DAB1: variants seen among roughly 807,000 people sequenced by gnomAD.
The protein encoded by DAB1 is DAB adaptor protein 1.
Under a neutral mutation model 64.6 loss-of-function variants are expected in DAB1, and 15 were observed. That is an observed-to-expected ratio of 0.23 (90% confidence interval 0.16 to 0.36). The LOEUF (loss-of-function observed/expected upper bound fraction) is 0.36. Ranked by LOEUF, DAB1 falls within the 10% of genes least tolerant of loss-of-function variation. The probability of loss-of-function intolerance (pLI) is 1.00; values close to 1 mark genes in which losing one functional copy is unlikely to be tolerated. For synonymous variants in DAB1, 235 were observed against 251.9 expected (o/e 0.93, Z 0.64); for missense variants, 596 against 706.7 (o/e 0.84, Z 1.78).
intron 7 of DAB1, among the ~76,000 whole-genome samples, chr1:57,617,440 A>T (rs1558545340): frequency 6.6e-6 from 1 of 151,838 alleles, no homozygotes; most frequent in Non-Finnish European, 1.5e-5. Context: ...TTCCACAAGT[A>T]CCCCGTCTCA....
At chr1:58,540,301 C>T (rs2100495537) in intron 1 of DAB1, among the ~76,000 whole-genome samples, 1 of 150,610 alleles carries the variant, frequency 6.6e-6, no homozygotes, top group African/African-American at 2.4e-5. Context: ...AAAATCTAAA[C>T]AGGTATTAGG....
intron 1 of DAB1, chr1:57,876,529 T>G (rs1319630347): frequency 6.6e-6 from 1 of 152,216 alleles, no homozygotes; most frequent in Non-Finnish European, 1.5e-5. Context: ...GACTTCATGT[T>G]GAAGCAGCAG....
chr1:58,186,078 C>T (rs3905539), intron 4 of DAB1, among the ~76,000 whole-genome samples: 28,612 of 152,190 alleles, frequency 0.19, 2,892 homozygotes, highest in East Asian at 0.37. Flanking sequence ...CCATTCAAGA[C>T]TTCTAAACAG....
At chr1:58,236,637 T>G (rs912375688) in intron 4 of DAB1, among the ~76,000 whole-genome samples, 4 of 152,202 alleles carry the variant, frequency 2.6e-5, no homozygotes, top group African/African-American at 9.7e-5. Context: ...TAATTCACTT[T>G]CACATGCATC....
At chr1:57,949,821 G>C (rs1645244990) in intron 5 of DAB1, among the ~76,000 whole-genome samples, 1 of 152,054 alleles carries the variant, frequency 6.6e-6, no homozygotes, top group Non-Finnish European at 1.5e-5. Context: ...CCTCCAAGAG[G>C]AAAGAAAAAA....
intron 7 of DAB1, among the ~76,000 whole-genome samples, chr1:57,558,020 CAACCCAAG>C (rs1416486228): frequency 4.3e-5 from 2 of 46,770 alleles, no homozygotes; most frequent in Non-Finnish European, 1.6e-4. Context: ...GGCTGACCTG[CAACCCAAG>C]TTGCATGCAC....
At chr1:57,374,283 G>A (rs977613067) in intron 1 of DAB1, among the ~76,000 whole-genome samples, 1 of 152,134 alleles carries the variant, frequency 6.6e-6, no homozygotes, top group Non-Finnish European at 1.5e-5. Context: ...ATTTTTGTCA[G>A]AAGGTATTAT....
intron 3 of DAB1, among the ~76,000 whole-genome samples, chr1:58,475,910 T>C (rs923383475): frequency 1.3e-5 from 2 of 152,096 alleles, no homozygotes; most frequent in Non-Finnish European, 2.9e-5. Context: ...GCAAAAGCAA[T>C]AGTTACTTAA....
chr1:58,034,903 C>A (rs940412438), intron 5 of DAB1, among the ~76,000 whole-genome samples: 1 of 152,190 alleles, frequency 6.6e-6, no homozygotes, highest in Non-Finnish European at 1.5e-5. Context: ...TCCTTCCATC[C>A]ATGTATGTGC....
chr1:57,875,959 C>T (rs1012444062), intron 1 of DAB1, among the ~76,000 whole-genome samples: 7 of 152,180 alleles, frequency 4.6e-5, no homozygotes, highest in Non-Finnish European at 7.3e-5. Context: ...ACTCAGCGAT[C>T]GTTGTCACTG....
intron 5 of DAB1, among the ~76,000 whole-genome samples, chr1:57,895,509 A>G (rs978755494): frequency 3.9e-5 from 6 of 152,224 alleles, no homozygotes; most frequent in Admixed American, 2.6e-4. Context: ...TCTCTGTGCC[A>G]GGCACTCAGG....
chr1:57,226,695 ATATC>A (rs1667295977), intron 2 of DAB1, among the ~76,000 whole-genome samples: 2 of 147,634 alleles, frequency 1.4e-5, no homozygotes, highest in Admixed American at 6.7e-5. Context: ...ATATATATAT[ATATC>A]AGTGTTTAGA....
At chr1:58,333,803 G>A (rs1177649382) in intron 4 of DAB1, among the ~76,000 whole-genome samples, 1 of 152,196 alleles carries the variant, frequency 6.6e-6, no homozygotes, top group Non-Finnish European at 1.5e-5. Context: ...ATGCATAAGT[G>A]AAGTCCTTCT....
At chr1:58,322,947 G>C (rs1662722459) in intron 4 of DAB1, among the ~76,000 whole-genome samples, 1 of 152,100 alleles carries the variant, frequency 6.6e-6, no homozygotes, top group African/African-American at 2.4e-5. Flanking sequence ...GTAGGGACAT[G>C]GATGAAGCTG....
chr1:58,415,106 C>T (rs1017776501), intron 3 of DAB1, among the ~76,000 whole-genome samples: 3 of 152,062 alleles, frequency 2.0e-5, no homozygotes, highest in Non-Finnish European at 4.4e-5. Context: ...GTTGGGCCTT[C>T]ATAATAGGAT....
At chr1:57,646,270 G>T (rs1381598490) in intron 7 of DAB1, among the ~76,000 whole-genome samples, 2 of 152,078 alleles carry the variant, frequency 1.3e-5, no homozygotes, top group African/African-American at 4.8e-5. Context: ...ACCCACAAAA[G>T]AACACTAAAG....
intron 7 of DAB1, among the ~76,000 whole-genome samples, chr1:57,539,188 A>G (rs1381460555): frequency 6.6e-6 from 1 of 152,208 alleles, no homozygotes; most frequent in Non-Finnish European, 1.5e-5. Context: ...CAGAATGCTG[A>G]TTGTCTTCAA....
chr1:58,181,203 C>T (rs1656771057), intron 4 of DAB1, among the ~76,000 whole-genome samples: 1 of 152,092 alleles, frequency 6.6e-6, no homozygotes, highest in South Asian at 2.1e-4. Flanking sequence ...ATATCCTATA[C>T]ATCTTGTTTC....
At chr1:58,228,912 T>C (rs1399053805) in intron 4 of DAB1, 4 of 509,396 alleles carry the variant, frequency 7.9e-6, no homozygotes, top group South Asian at 5.2e-5. Context: ...CTGTAGTGTG[T>C]AGAAAATGCA....
Sources: gnomAD v4.1 joint callset for allele counts (sites outside exome capture counted in the v4.1 genomes callset) on GRCh38, gnomAD v4.1.1 for gene constraint, MANE v1.5 for transcripts, NCBI Gene and HGNC (gene_info 2026-07-23, HGNC 2026-07-21) for gene names.